The following PRKAR2A variants were observed in gnomAD, a reference collection of about 807,000 sequenced individuals.
The protein encoded by PRKAR2A is protein kinase cAMP-dependent type II regulatory subunit alpha.
In PRKAR2A, 29 loss-of-function variants were observed where a neutral mutation model predicts 51.9. The ratio of observed to expected loss-of-function variants is 0.56; its 90% CI spans 0.42 to 0.76. PRKAR2A has a LOEUF of 0.76. PRKAR2A is among the 30% of genes least tolerant of loss of function. The pLI is 0.00. For missense variants in PRKAR2A, 445 were observed against 512.1 expected, an observed-to-expected ratio of 0.87 and a Z score of 1.26; for synonymous variants, 178 against 186.2, an observed-to-expected ratio of 0.96 and a Z score of 0.36.
intron 3 of PRKAR2A, 21 bp downstream of exon 3, chr3:48,793,976 C>T (rs1369926313): frequency 1.3e-6 from 2 of 1,566,930 alleles, no homozygotes; most frequent in Admixed American, 3.3e-5. Context: ...TTCTACCTAA[C>T]ATCTTTGCTT....
At chr3:48,782,875 TC>T in intron 5 of PRKAR2A, 110 bp downstream of exon 5, 1 of 735,684 alleles carries the variant, frequency 1.4e-6, no homozygotes, top group Middle Eastern at 2.4e-4. Context: ...GGAAGCTTGT[TC>T]ACCTGGCCCT....
intron 1 of PRKAR2A, among the ~76,000 whole-genome samples, chr3:48,810,849 T>C (rs578234034): frequency 1.3e-5 from 2 of 152,224 alleles, no homozygotes; most frequent in South Asian, 2.1e-4. Flanking sequence ...CAAACCTCTA[T>C]GTAGCCATTT....
intron 1 of PRKAR2A, among the ~76,000 whole-genome samples, chr3:48,838,537 G>A (rs904572927): frequency 2.6e-5 from 4 of 151,696 alleles, no homozygotes; most frequent in African/African-American, 7.3e-5. Context: ...AACCCAGGAG[G>A]GAGAGATTGT....
At chr3:48,769,736 G>C (rs1189099749) in intron 6 of PRKAR2A, among the ~76,000 whole-genome samples, 1 of 151,500 alleles carries the variant, frequency 6.6e-6, no homozygotes, top group Non-Finnish European at 1.5e-5. Flanking sequence ...CTTGGCCTCC[G>C]AAGTGCTGGG....
chr3:48,812,491 T>A (rs2107375193), intron 1 of PRKAR2A, among the ~76,000 whole-genome samples: 1 of 151,842 alleles, frequency 6.6e-6, no homozygotes, highest in South Asian at 2.1e-4. Context: ...AAAAAGCTTT[T>A]TTTTTTTTTT....
At chr3:48,787,842 G>A (rs2082319670) in intron 4 of PRKAR2A, among the ~76,000 whole-genome samples, 1 of 152,068 alleles carries the variant, frequency 6.6e-6, no homozygotes, top group African/African-American at 2.4e-5. Flanking sequence ...TGCATTGTAA[G>A]CTCATATCTG....
At chr3:48,775,337 C>CT (rs2082090801) in intron 5 of PRKAR2A, among the ~76,000 whole-genome samples, 1 of 151,578 alleles carries the variant, frequency 6.6e-6, no homozygotes, top group South Asian at 2.1e-4. Flanking sequence ...ACTCGGGAGG[C>CT]TGAGGCAGGA....
intron 6 of PRKAR2A, among the ~76,000 whole-genome samples, chr3:48,766,106 AC>A (rs974906990): frequency 6.7e-6 from 1 of 149,332 alleles, no homozygotes; most frequent in African/African-American, 2.5e-5. Context: ...ACTTGTCTGT[AC>A]TTGGGTGGCT....
At chr3:48,758,966 T>C (rs2081819666) in intron 8 of PRKAR2A, among the ~76,000 whole-genome samples, 1 of 152,168 alleles carries the variant, frequency 6.6e-6, no homozygotes, top group African/African-American at 2.4e-5. Flanking sequence ...AAAGCCTTGG[T>C]TCACCTCTTC....
chr3:48,821,061 C>G (rs1369804902), intron 1 of PRKAR2A, among the ~76,000 whole-genome samples: 1 of 152,208 alleles, frequency 6.6e-6, no homozygotes, highest in Non-Finnish European at 1.5e-5. Flanking sequence ...TACTCCTAAA[C>G]ACAGACTGTA....
intron 1 of PRKAR2A, among the ~76,000 whole-genome samples, chr3:48,830,203 C>CAA (rs56960810): frequency 1.5e-4 from 17 of 112,494 alleles, no homozygotes; most frequent in Middle Eastern, 4.8e-3. Context: ...AGCTCCGTCT[C>CAA]AAAAAAAAAA....
chr3:48,767,650 C>T (rs374635488), intron 6 of PRKAR2A, among the ~76,000 whole-genome samples: 5 of 152,098 alleles, frequency 3.3e-5, no homozygotes, highest in African/African-American at 7.2e-5. Context: ...ACAGGCTGGA[C>T]GCAGTGGCTC....
intron 2 of PRKAR2A, among the ~76,000 whole-genome samples, chr3:48,800,249 C>T (rs958664804): frequency 6.6e-6 from 1 of 151,288 alleles, no homozygotes; most frequent in African/African-American, 2.4e-5. Context: ...GCACAGTGGC[C>T]CACATCTGTA....
intron 1 of PRKAR2A, among the ~76,000 whole-genome samples, chr3:48,812,711 T>C (rs1236504120): frequency 6.6e-6 from 1 of 152,184 alleles, no homozygotes; most frequent in Non-Finnish European, 1.5e-5. Context: ...CTCAATCTCC[T>C]GACCTTGTGA....
intron 2 of PRKAR2A, among the ~76,000 whole-genome samples, chr3:48,803,773 C>T (rs1227155989): frequency 6.6e-6 from 1 of 152,072 alleles, no homozygotes; most frequent in Middle Eastern, 3.2e-3. Context: ...GCTGGGAGGC[C>T]GAGGCAGGCA....
At chr3:48,755,462 C>T (rs2081745839) in intron 9 of PRKAR2A, among the ~76,000 whole-genome samples, 1 of 152,136 alleles carries the variant, frequency 6.6e-6, no homozygotes, top group Non-Finnish European at 1.5e-5. Context: ...CTCCTACTTA[C>T]AGCTCCTCAG....
intron 2 of PRKAR2A, among the ~76,000 whole-genome samples, chr3:48,800,817 C>T (rs986478946): frequency 4.6e-5 from 7 of 151,656 alleles, no homozygotes; most frequent in Non-Finnish European, 5.9e-5. Context: ...GGACTACAGG[C>T]GCCCGCCACC....
chr3:48,776,776 G>A (rs1035463247), intron 5 of PRKAR2A, among the ~76,000 whole-genome samples: 3 of 152,158 alleles, frequency 2.0e-5, no homozygotes, highest in African/African-American at 7.2e-5. Context: ...GGGAGGCAGA[G>A]GTTGCAGTGA....
At chr3:48,830,017 G>C (rs1488139885) in intron 1 of PRKAR2A, among the ~76,000 whole-genome samples, 1 of 149,432 alleles carries the variant, frequency 6.7e-6, no homozygotes, top group Non-Finnish European at 1.5e-5. Flanking sequence ...GGCTAACATG[G>C]AGAAACCCCA....
Sources: gnomAD v4.1 joint callset for allele counts (sites outside exome capture counted in the v4.1 genomes callset) on GRCh38, gnomAD v4.1.1 for gene constraint, MANE v1.5 for transcripts, NCBI Gene and HGNC (gene_info 2026-07-23, HGNC 2026-07-21) for gene names.